The following PDE4B variants were observed in gnomAD, a reference collection of about 807,000 sequenced individuals.
The protein encoded by PDE4B is 3',5'-cyclic-AMP phosphodiesterase 4B.
In PDE4B, 20 loss-of-function variants were observed where a neutral mutation model predicts 82.2. The ratio of observed to expected loss-of-function variants is 0.24; its 90% CI spans 0.17 to 0.35. PDE4B has a LOEUF of 0.35. Among genes scored for constraint, PDE4B ranks in the 10% least tolerant of loss-of-function variants. The probability of loss-of-function intolerance (pLI) is 1.00; values close to 1 mark genes in which losing one functional copy is unlikely to be tolerated. For missense variants in PDE4B, 655 were observed against 907.2 expected, an observed-to-expected ratio of 0.72 and a Z score of 3.57; for synonymous variants, 320 against 318.9, an observed-to-expected ratio of 1.00 and a Z score of -0.04.
intron 3 of PDE4B, among the ~76,000 whole-genome samples, chr1:65,940,192 G>T (rs1388837812): frequency 6.6e-6 from 1 of 152,026 alleles, no homozygotes; most frequent in African/African-American, 2.4e-5. Context: ...AAAGTAGGGG[G>T]CAGGGTAGGA....
At chr1:66,364,754 A>G (rs1381750640) in intron 12 of PDE4B, among the ~76,000 whole-genome samples, 1 of 152,220 alleles carries the variant, frequency 6.6e-6, no homozygotes, top group Non-Finnish European at 1.5e-5. Flanking sequence ...GTGAGGCAAC[A>G]CTATCTATCA....
rs35825766 is a variant in PDE4B, at chr1:66,210,595, CAAAAAA to C, written c.282-36846_282-36841del. On this transcript the variant is annotated intron_variant, in intron 3 of 16. Coordinates refer to ENST00000341517, the MANE Select transcript of PDE4B (RefSeq NM_002600.4). ...TGGGTGACAGAGTGAGACTCCATCT[CAAAAAA>C]AAAAAAAAAAAAAAAAAAGAAAAAG... 0.028 allele frequency among the ~76,000 whole-genome samples: 1,261 copies of C among 45,796 alleles called. 23 individuals are homozygous for C. The East Asian group carries it at 0.28, about 10-fold the overall frequency. 30.0% of individuals were successfully genotyped at this position (45,796 alleles called of 152,430 possible). A position where few individuals can be genotyped will look rare whatever the true frequency, so the allele number is the denominator to read the frequency against.
intron 6 of PDE4B, among the ~76,000 whole-genome samples, chr1:66,265,808 G>T (rs1654990781): frequency 6.6e-6 from 1 of 152,172 alleles, no homozygotes. Context: ...TTCCTGGAGA[G>T]TCTGAGCATC....
chr1:65,877,641 A>G (rs1305285572), intron 1 of PDE4B, among the ~76,000 whole-genome samples: 1 of 150,978 alleles, frequency 6.6e-6, no homozygotes, highest in African/African-American at 2.4e-5. Context: ...ATAAATAAAT[A>G]AATAAATAAA....
At chr1:66,294,576 C>T (rs1402971333) in intron 7 of PDE4B, among the ~76,000 whole-genome samples, 1 of 152,098 alleles carries the variant, frequency 6.6e-6, no homozygotes, top group Non-Finnish European at 1.5e-5. Context: ...CTCTCTGATG[C>T]CTGTGCTTTG....
chr1:66,239,181 C>T (rs4655830), intron 3 of PDE4B, among the ~76,000 whole-genome samples: 26,791 of 151,994 alleles, frequency 0.18, 4,531 homozygotes, highest in African/African-American at 0.43. Flanking sequence ...TTATATTTTA[C>T]TAATAGAGCA....
intron 1 of PDE4B, among the ~76,000 whole-genome samples, chr1:65,877,184 G>A (rs746393737): frequency 6.6e-6 from 1 of 152,140 alleles, no homozygotes; most frequent in African/African-American, 2.4e-5. Context: ...AAACAGCATG[G>A]TACTGGTACC....
At chr1:66,178,728 A>C (rs1353151628) in intron 3 of PDE4B, among the ~76,000 whole-genome samples, 2 of 152,230 alleles carry the variant, frequency 1.3e-5, no homozygotes, top group Non-Finnish European at 2.9e-5. Context: ...GCGTGCTGAA[A>C]ATGTTGTAAA....
chr1:65,906,692 A>G (rs1455736762), intron 1 of PDE4B, among the ~76,000 whole-genome samples: 1 of 152,146 alleles, frequency 6.6e-6, no homozygotes, highest in Admixed American at 6.6e-5. Flanking sequence ...CATTCAGCTC[A>G]GCAAATTGAA....
intron 7 of PDE4B, among the ~76,000 whole-genome samples, chr1:66,281,968 G>T (rs751914593): frequency 6.6e-6 from 1 of 152,160 alleles, no homozygotes; most frequent in Non-Finnish European, 1.5e-5. Context: ...TGTGAACACT[G>T]CCTTGTTTGG....
At chr1:66,116,766 T>C (rs963633657) in intron 3 of PDE4B, among the ~76,000 whole-genome samples, 13 of 152,156 alleles carry the variant, frequency 8.5e-5, no homozygotes, top group African/African-American at 2.2e-4. Flanking sequence ...GGTTTTGCCA[T>C]GTTGCCCAGG....
At chr1:65,884,601 G>A (rs978170439) in intron 1 of PDE4B, among the ~76,000 whole-genome samples, 28 of 151,974 alleles carry the variant, frequency 1.8e-4, no homozygotes, top group African/African-American at 6.8e-4. Context: ...CAAAAACAAG[G>A]AATGGGGAAA....
chr1:66,112,404 A>G (rs1645507605), intron 3 of PDE4B, among the ~76,000 whole-genome samples: 1 of 152,192 alleles, frequency 6.6e-6, no homozygotes, highest in Non-Finnish European at 1.5e-5. Context: ...CGTCTCTACC[A>G]GTGTGACTAG....
intron 3 of PDE4B, among the ~76,000 whole-genome samples, chr1:66,099,959 AAAG>A (rs1207996361): frequency 6.6e-6 from 1 of 152,122 alleles, no homozygotes; most frequent in African/African-American, 2.4e-5. Flanking sequence ...TCACTTCATC[AAAG>A]AAGTCTTCCC....
chr1:66,130,630 A>C (rs142809692), intron 3 of PDE4B, among the ~76,000 whole-genome samples: 1 of 152,190 alleles, frequency 6.6e-6, no homozygotes, highest in Non-Finnish European at 1.5e-5. Context: ...ACCCAGAATC[A>C]TGGTCCTTCC....
At chr1:66,138,435 C>T (rs1280856566) in intron 3 of PDE4B, among the ~76,000 whole-genome samples, 1 of 152,146 alleles carries the variant, frequency 6.6e-6, no homozygotes, top group Non-Finnish European at 1.5e-5. Flanking sequence ...AGGAGAATGG[C>T]TTAAACCCTG....
chr1:65,881,424 G>A (rs777263128), intron 1 of PDE4B, among the ~76,000 whole-genome samples: 3 of 152,122 alleles, frequency 2.0e-5, no homozygotes, highest in Non-Finnish European at 4.4e-5. Flanking sequence ...CCAAAACCTA[G>A]CATCTCCGCC....
chr1:66,336,065 T>C (rs1250979480), intron 8 of PDE4B, among the ~76,000 whole-genome samples: 1 of 152,188 alleles, frequency 6.6e-6, no homozygotes, highest in Admixed American at 6.5e-5. Context: ...GCAAATAGCC[T>C]CAGCAGGGTC....
At chr1:66,062,022 T>C (rs1163494532) in intron 3 of PDE4B, among the ~76,000 whole-genome samples, 1 of 152,182 alleles carries the variant, frequency 6.6e-6, no homozygotes, top group African/African-American at 2.4e-5. Flanking sequence ...TCATACTTGA[T>C]TTCCCAAATG....
Sources: gnomAD v4.1 joint callset for allele counts (sites outside exome capture counted in the v4.1 genomes callset) on GRCh38, gnomAD v4.1.1 for gene constraint, MANE v1.5 for transcripts, NCBI Gene and HGNC (gene_info 2026-07-23, HGNC 2026-07-21) for gene names.